The following PARK7 variants were observed in gnomAD, a reference collection of about 807,000 sequenced individuals.
The protein encoded by PARK7 is Parkinsonism associated deglycase, also known as Parkinson disease protein 7.
PARK7 carries 14 observed loss-of-function variants against 20.5 expected under a neutral mutation model. The observed-to-expected ratio is 0.68, with a 90% CI of 0.45 to 1.07. The LOEUF (loss-of-function observed/expected upper bound fraction) is 1.07. Ranked by LOEUF, PARK7 falls within the 50% of genes least tolerant of loss-of-function variation. PARK7 has a pLI of 0.00. For missense variants in PARK7, 234 were observed against 238.1 expected, an observed-to-expected ratio of 0.98 and a Z score of 0.11; for synonymous variants, 98 against 84.3, an observed-to-expected ratio of 1.16 and a Z score of -0.89.
chr1:7,975,896 C>T (rs1201052893), intron 5 of PARK7, among the ~76,000 whole-genome samples: 1 of 152,158 alleles, frequency 6.6e-6, no homozygotes, highest in Non-Finnish European at 1.5e-5. Flanking sequence ...TCAATTCTTA[C>T]GGACTTCTAA....
In PARK7 at chr1:7,983,727, C is replaced by T. The variant is rs924928525; in HGVS notation, c.410-1167C>T. 4.6e-5 allele frequency among the ~76,000 whole-genome samples: 7 copies of T among 152,160 alleles called. No individual in the cohort carries two copies. The South Asian group carries it at 6.2e-4, about 13-fold the overall frequency. ...GGGTGCTGGGCATGGATCGAAGGGG[C>T]GCACAGCCGGAAGGGAGAGCTGTAA... On this transcript the variant is annotated intron_variant, in intron 6 of 6. Coordinates refer to ENST00000338639, the MANE Select transcript of PARK7 (RefSeq NM_007262.5).
chr1:7,979,473 G>C (rs557873435), intron 6 of PARK7, among the ~76,000 whole-genome samples: 7 of 152,256 alleles, frequency 4.6e-5, no homozygotes, highest in African/African-American at 1.7e-4. Flanking sequence ...ATCCAGAGCA[G>C]TGTTTTCCTG....
intron 2 of PARK7, 97 bp from the exon 3 acceptor site, chr1:7,965,227 G>A: frequency 1.8e-6 from 2 of 1,122,900 alleles, no homozygotes; most frequent in Non-Finnish European, 2.7e-6. Flanking sequence ...AGGTGACAGG[G>A]TGAGACCCCA....
intron 3 of PARK7, among the ~76,000 whole-genome samples, chr1:7,968,125 G>T (rs756773526): frequency 3.2e-4 from 49 of 151,828 alleles, no homozygotes; most frequent in Admixed American, 8.5e-4. Flanking sequence ...CTGGTCAAGA[G>T]GGTGAAACCC....
In PARK7 at chr1:7,977,752, T is replaced by C; in HGVS notation, c.409+14T>C. 1 of 1,607,722 alleles carries C rather than the reference T, an allele frequency of 6.2e-7. No homozygotes were observed. The stretch of plus-strand genomic sequence containing the variant: ...TGATGAATGGAGGTAAGTATATGCT[T>C]GTTTTTGTTTGTTTGTTTGTTTTTT... On this transcript the variant is annotated intron_variant, in intron 6 of 6. Coordinates refer to ENST00000338639, the MANE Select transcript of PARK7 (RefSeq NM_007262.5).
chr1:7,962,871 C>T lies in PARK7; in HGVS notation c.86C>T (p.Ala29Val), dbSNP rs376428939. The T allele has an allele frequency of 6.2e-7, 1 of 1,611,804 alleles. No individual in the cohort carries two copies. The highest frequency in any genetic ancestry group is 1.3e-5 in the African/African-American group (1 of 74,574). ...TVIPVDVMRR[A>V]GIKVTVAGLA... The stretch of plus-strand genomic sequence containing the variant: ...ATCCCTGTAGATGTCATGAGGCGAG[C>T]TGGGGTAAGTCCCACATCGATTTTT... Residue 29 changes from alanine to valine, a missense_variant, in exon 2 of 7, where the codon GCT (alanine) becomes GTT (valine). Physicochemically the swap from Ala to Val is moderately conservative, Grantham distance 64. Transcript: ENST00000338639.
At position 7,965,260 on chromosome 1, in the gene PARK7, A is replaced by T; in HGVS notation, c.91-64A>T. 240 of 1,347,344 alleles carry T rather than the reference A, an allele frequency of 1.8e-4. No homozygotes were observed. Among genetic ancestry groups the T allele is most frequent in the Middle Eastern group, 2.3e-4 (1 of 4,320 alleles). The allele number at this position is 1,347,344 out of a possible 1,614,324, so 83.5% of individuals were successfully genotyped here. On this transcript the variant is annotated intron_variant, in intron 2 of 6. Coordinates refer to ENST00000338639, the MANE Select transcript of PARK7 (RefSeq NM_007262.5). Reference sequence around the variant, plus strand: ...CCATCTCTCTTTTTTCTTTTTTTTTAAAGACAGTGTTACTCTGAATTTATG... The same window carrying T: ...CCATCTCTCTTTTTTCTTTTTTTTTTAAGACAGTGTTACTCTGAATTTATG...
intron 3 of PARK7, among the ~76,000 whole-genome samples, chr1:7,966,210 G>A (rs960062472): frequency 1.3e-5 from 2 of 151,992 alleles, no homozygotes; most frequent in Non-Finnish European, 2.9e-5. Context: ...AGGCAGAGTC[G>A]GCTCACAGAT....
intron 6 of PARK7, among the ~76,000 whole-genome samples, chr1:7,983,270 C>T (rs1001464874): frequency 6.6e-6 from 1 of 152,228 alleles, no homozygotes; most frequent in South Asian, 2.1e-4. Context: ...CAGAGCCACC[C>T]GCCTGCCTGC....
chr1:7,971,540 ATTC>A (rs1640465181), intron 5 of PARK7: 1 of 156,084 alleles, frequency 6.4e-6, no homozygotes, highest in Non-Finnish European at 1.4e-5. Context: ...TTTAAGATCC[ATTC>A]TTGTTGCTTT....
chr1:7,966,869 T>A (rs1329008679), intron 3 of PARK7, among the ~76,000 whole-genome samples: 1 of 152,236 alleles, frequency 6.6e-6, no homozygotes, highest in Non-Finnish European at 1.5e-5. Context: ...TAATATATAG[T>A]GATCGGATCA....
At chr1:7,977,854 G>C in intron 6 of PARK7, 116 bp downstream of exon 6, 1 of 837,802 alleles carries the variant, frequency 1.2e-6, no homozygotes, top group Non-Finnish European at 2.0e-6. Context: ...CTGCCTCCCG[G>C]GTTCAAGCGA....
intron 6 of PARK7, among the ~76,000 whole-genome samples, chr1:7,978,947 A>T (rs927160471): frequency 6.6e-6 from 1 of 151,542 alleles, no homozygotes; most frequent in South Asian, 2.1e-4. Flanking sequence ...TACTAAATGT[A>T]TTGTTCTGCA....
At chr1:7,962,422 T>C (rs1640226692) in intron 1 of PARK7, among the ~76,000 whole-genome samples, 2 of 152,160 alleles carry the variant, frequency 1.3e-5, no homozygotes, top group South Asian at 4.1e-4. Flanking sequence ...TTTCCCCGCA[T>C]TGTGTGAAAT....
At chr1:7,977,899 A>G (rs1229626478) in intron 6 of PARK7, among the ~76,000 whole-genome samples, 161 bp downstream of exon 6, 1 of 150,510 alleles carries the variant, frequency 6.6e-6, no homozygotes, top group Non-Finnish European at 1.5e-5. Context: ...AGCTGGGATT[A>G]CAGGCGCATG....
chr1:7,972,932 TC>T (rs1314675661), intron 5 of PARK7, among the ~76,000 whole-genome samples: 3 of 152,074 alleles, frequency 2.0e-5, no homozygotes, highest in Non-Finnish European at 4.4e-5. Context: ...ATTCCTGTAA[TC>T]CCAGCTATCA....
In PARK7 at chr1:7,977,720, G is replaced by C; in HGVS notation, c.391G>C (p.Asp131His). 1 of 1,614,074 alleles carries C rather than the reference G, an allele frequency of 6.2e-7. No individual in the cohort carries two copies. The highest frequency in any genetic ancestry group is 8.5e-7 in the Non-Finnish European group (1 of 1,179,946). The change falls in exon 6 of 7, where the codon GAC becomes CAC. Residue 131 changes from aspartate (D) to histidine (H), a missense_variant. Transcript: ENST00000338639. ...SKVTTHPLAKDKMMNGGHYTY... is the reference protein window; with the variant it reads ...SKVTTHPLAKHKMMNGGHYTY... ...AGTTACAACACACCCTCTTGCTAAAGACAAAATGATGAATGGAGGTAAGTA... is the reference window on the plus strand; with the variant it reads ...AGTTACAACACACCCTCTTGCTAAACACAAAATGATGAATGGAGGTAAGTA...
intron 6 of PARK7, among the ~76,000 whole-genome samples, chr1:7,978,844 CAAAAAAAAA>C (rs368607562): frequency 1.2e-4 from 13 of 107,072 alleles, no homozygotes; most frequent in South Asian, 3.4e-4. Flanking sequence ...AAGACCCTAT[CAAAAAAAAA>C]AAAAAAAAAA....
chr1:7,970,017 C>T (rs1416822828), intron 4 of PARK7, among the ~76,000 whole-genome samples: 4 of 152,156 alleles, frequency 2.6e-5, no homozygotes, highest in South Asian at 4.2e-4. Context: ...CACATCGAGA[C>T]GCCATCTCTA....
Sources: gnomAD v4.1 joint callset for allele counts (sites outside exome capture counted in the v4.1 genomes callset) on GRCh38, gnomAD v4.1.1 for gene constraint, MANE v1.5 for transcripts, NCBI Gene and HGNC (gene_info 2026-07-23, HGNC 2026-07-21) for gene names.